The following KCNC1 variants were observed in gnomAD, a reference collection of about 807,000 sequenced individuals.
KCNC1 encodes the protein potassium voltage-gated channel subfamily C member 1, also known as voltage-gated potassium channel KCNC1.
A neutral mutation model predicts 43.4 loss-of-function variants in KCNC1; 8 were observed. That is an observed-to-expected ratio of 0.18 (90% CI 0.11 to 0.33). The LOEUF is 0.33. Among genes scored for constraint, KCNC1 ranks in the 10% least tolerant of loss-of-function variants. The probability of loss-of-function intolerance (pLI) is 1.00; values close to 1 mark genes in which losing one functional copy is unlikely to be tolerated. For synonymous variants in KCNC1, 361 were observed against 360.5 expected (o/e 1.00, Z -0.01); for missense variants, 420 against 836.0 (o/e 0.50, Z 6.14).
At chr11:17,765,305 G>A (rs138972338) in intron 1 of KCNC1, among the ~76,000 whole-genome samples, 77 of 152,308 alleles carry the variant, frequency 5.1e-4, no homozygotes, top group East Asian at 2.3e-3. Flanking sequence ...GCTCCGATCC[G>A]AAAGGCAAGC....
chr11:17,761,900 G>A (rs1043423884), intron 1 of KCNC1, among the ~76,000 whole-genome samples: 30 of 152,106 alleles, frequency 2.0e-4, no homozygotes, highest in Non-Finnish European at 1.5e-5. Context: ...CTGCCATCCT[G>A]CCCATCACAC....
rs1849346556 is a variant in KCNC1, at chr11:17,781,530, C to G, written c.1694-140C>G. The G allele has an allele frequency of 6.0e-6, 4 of 666,222 alleles. No individual in the cohort carries two copies. The South Asian group carries it at 7.4e-5, about 12-fold the overall frequency. 41.3% of individuals were successfully genotyped at this position (666,222 alleles called of 1,614,324 possible). ...AGGCTGGCTCAGTGCATGGGCAAAC[C>G]AAGCCAGCTGGAGAAGAATCTGCCT... On this transcript the variant is annotated intron_variant, in intron 3 of 3. Transcript: ENST00000265969. This position sits in a 1 kb window ranked among gnomAD's most constrained non-coding sequence, Gnocchi z 5.1.
At position 17,742,684 on chromosome 11, in the gene KCNC1, C is replaced by T. The variant is rs1848856276; in HGVS notation, c.570+6112C>T. Among the ~76,000 whole-genome samples, 1 of 152,206 alleles carries T rather than the reference C, an allele frequency of 6.6e-6. No homozygotes were observed. The highest frequency in any genetic ancestry group is 2.4e-5 in the African/African-American group (1 of 41,448). On this transcript the variant is annotated intron_variant, in intron 1 of 3. Transcript: ENST00000265969. This position sits in a 1 kb window ranked among gnomAD's most constrained non-coding sequence, Gnocchi z 4.2. ...ATGGGACTATTGCAGGGAATGGGTGCTCCCAGGCTACCTCTAGTCAATATT... is the reference window on the plus strand; with the variant it reads ...ATGGGACTATTGCAGGGAATGGGTGTTCCCAGGCTACCTCTAGTCAATATT...
chr11:17,770,658 A>C (rs551558377), intron 1 of KCNC1, among the ~76,000 whole-genome samples: 2 of 152,312 alleles, frequency 1.3e-5, no homozygotes, highest in South Asian at 4.1e-4. Context: ...GGGTCTCCCA[A>C]ACCTTTTTGC....
intron 1 of KCNC1, among the ~76,000 whole-genome samples, chr11:17,754,434 G>A (rs1052468027): frequency 6.6e-6 from 1 of 152,242 alleles, no homozygotes; most frequent in African/African-American, 2.4e-5. Context: ...GGTAGACGCA[G>A]ATGTGGTATC....
At chr11:17,755,344 C>A (rs567034194) in intron 1 of KCNC1, among the ~76,000 whole-genome samples, 8 of 152,272 alleles carry the variant, frequency 5.3e-5, no homozygotes, top group African/African-American at 1.9e-4. Context: ...GTGCAGGATT[C>A]TGAGCAGAGA....
At chr11:17,743,230 C>T (rs568884362) in intron 1 of KCNC1, among the ~76,000 whole-genome samples, 36 of 152,330 alleles carry the variant, frequency 2.4e-4, no homozygotes, top group Non-Finnish European at 3.7e-4. Context: ...TTAGCTCATG[C>T]GCGGTGGAGC....
chr11:17,743,894 T>C (rs1392540398), intron 1 of KCNC1, among the ~76,000 whole-genome samples: 1 of 152,184 alleles, frequency 6.6e-6, no homozygotes, highest in Non-Finnish European at 1.5e-5. Context: ...GTCATGTTTT[T>C]GGGAGTGAGG....
chr11:17,747,490 C>T (rs1373327703), intron 1 of KCNC1, among the ~76,000 whole-genome samples: 1 of 152,196 alleles, frequency 6.6e-6, no homozygotes, highest in African/African-American at 2.4e-5. Flanking sequence ...CATCACAGCT[C>T]AGGTCATTGG....
chr11:17,748,704 G>A (rs1848930357), intron 1 of KCNC1, among the ~76,000 whole-genome samples: 1 of 152,142 alleles, frequency 6.6e-6, no homozygotes. Flanking sequence ...GTCTGCTCTT[G>A]ACGGGGCCTG....
chr11:17,745,105 C>T (rs1049821567), intron 1 of KCNC1, among the ~76,000 whole-genome samples: 5 of 152,148 alleles, frequency 3.3e-5, no homozygotes, highest in African/African-American at 1.2e-4. Context: ...TTTTCACTCC[C>T]CAGATGATTC....
intron 1 of KCNC1, among the ~76,000 whole-genome samples, chr11:17,762,936 A>G (rs1849094794): frequency 6.6e-6 from 1 of 152,180 alleles, no homozygotes; most frequent in Admixed American, 6.5e-5. Context: ...GATGTAAGAC[A>G]TGTGCGGATC....
At chr11:17,753,329 C>A (rs1347796488) in intron 1 of KCNC1, among the ~76,000 whole-genome samples, 1 of 152,254 alleles carries the variant, frequency 6.6e-6, no homozygotes, top group African/African-American at 2.4e-5. Context: ...CCTGGTCAAG[C>A]TGCAGCCCCT....
In KCNC1 at chr11:17,776,112, T is replaced by C; in HGVS notation, c.1505-3344T>C. The C allele has an allele frequency of 3.0e-6, 3 of 985,362 alleles. No homozygotes were observed. Among genetic ancestry groups the C allele is most frequent in the Non-Finnish European group, 3.6e-6 (3 of 829,950 alleles). 61.0% of individuals were successfully genotyped at this position (985,362 alleles called of 1,614,324 possible). A position where few individuals can be genotyped will look rare whatever the true frequency, so the allele number is the denominator to read the frequency against. The stretch of plus-strand genomic sequence containing the variant: ...GTCTTTGTTGTCCTCAGGTGGGCTG[T>C]GGGGGAAGTAGCGGAGAAATGAAGT... On this transcript the variant is annotated intron_variant, in intron 2 of 3. Coordinates refer to ENST00000265969, the MANE Select transcript of KCNC1 (RefSeq NM_001112741.2). This position sits in a 1 kb window ranked among gnomAD's most constrained non-coding sequence, Gnocchi z 4.4.
chr11:17,762,092 T>C (rs1849084432), intron 1 of KCNC1, among the ~76,000 whole-genome samples: 1 of 152,106 alleles, frequency 6.6e-6, no homozygotes, highest in Admixed American at 6.5e-5. Context: ...TCTGAGGCCG[T>C]CTCCTCAGGG....
rs200873319 is a variant in KCNC1 at position 17,771,777 on chromosome 11, G to C, written c.683G>C (p.Arg228Pro). ...AACAAGACGGAGATCGAGAACGTTC[G>C]CAATGGCACGCAAGTGCGCTACTAC... ...IVNKTEIENV[R>P]NGTQVRYYRE... The change falls in exon 2 of 4, where the codon CGC (arginine) becomes CCC (proline). Residue 228 changes from arginine to proline, a missense_variant. By Grantham distance (103) the Arg-to-Pro change is moderately radical. Around this residue, in one of 5 missense-constraint regions of KCNC1, gnomAD observed 151 missense variants for 216.7 expected, o/e 0.70. Transcript: ENST00000265969. The surrounding 1 kb of genome is among the most constrained non-coding windows in gnomAD (Gnocchi z 4.7). The C allele has an allele frequency of 6.2e-7, 1 of 1,614,234 alleles. No homozygotes were observed. Among genetic ancestry groups the C allele is most frequent in the Admixed American group, 1.7e-5 (1 of 60,034 alleles).
chr11:17,775,110 TGTG>T, intron 2 of KCNC1: 2 of 985,628 alleles, frequency 2.0e-6, no homozygotes, highest in South Asian at 4.7e-5. Context: ...GGAAGGTAAA[TGTG>T]GTGGCCCCAC....
Position 17,736,599 on chromosome 11 carries a change from A to G in KCNC1, c.570+27A>G. 6.8e-7 allele frequency: 1 copy of G among 1,470,930 alleles called. No individual in the cohort carries two copies. The highest frequency in any genetic ancestry group is 8.9e-7 in the Non-Finnish European group (1 of 1,117,336). 91.1% of individuals were successfully genotyped at this position (1,470,930 alleles called of 1,614,324 possible). A position where few individuals can be genotyped will look rare whatever the true frequency, so the allele number is the denominator to read the frequency against. ...TAAGTGACAATTTACCCATCAGAAG[A>G]GCGGGGCGGGAAGGCAGCGTCCTGT... On this transcript the variant is annotated intron_variant, in intron 1 of 3. Transcript: ENST00000265969. The surrounding 1 kb of genome is among the most constrained non-coding windows in gnomAD (Gnocchi z 9.3).
In KCNC1 at chr11:17,781,368, G is replaced by C; in HGVS notation, c.1694-302G>C. On this transcript the variant is annotated intron_variant, in intron 3 of 3. Transcript: ENST00000265969. The surrounding 1 kb of genome is among the most constrained non-coding windows in gnomAD (Gnocchi z 5.1). Reference sequence around the variant, plus strand: ...CATCCATTCGGCCCGCGCTCTCATGGAGCCACGACAGCCGCCGAGGACTTG... The same window carrying C: ...CATCCATTCGGCCCGCGCTCTCATGCAGCCACGACAGCCGCCGAGGACTTG... The C allele has an allele frequency of 5.6e-6, 2 of 358,674 alleles. No individual in the cohort carries two copies. Among genetic ancestry groups the C allele is most frequent in the South Asian group, 9.1e-5 (2 of 21,960 alleles). The allele number at this position is 358,674 out of a possible 1,614,324, so 22.2% of individuals were successfully genotyped here. A position where few individuals can be genotyped will look rare whatever the true frequency, so the allele number is the denominator to read the frequency against.
Sources: gnomAD v4.1 joint callset for allele counts (sites outside exome capture counted in the v4.1 genomes callset) on GRCh38, gnomAD v4.1.1 for gene constraint, gnomAD v4.1.1 regional missense constraint, Gnocchi (gnomAD v3.1) non-coding constraint, MANE v1.5 for transcripts, NCBI Gene and HGNC (gene_info 2026-07-23, HGNC 2026-07-21) for gene names.